The following SUGCT variants were observed in gnomAD, a reference collection of about 807,000 sequenced individuals.
SUGCT encodes succinyl-CoA:glutarate-CoA transferase, also known as succinyl-CoA:glutarate CoA-transferase.
SUGCT carries 41 observed loss-of-function variants against 55.0 expected under a neutral mutation model. That is an observed-to-expected ratio of 0.74 (90% CI 0.58 to 0.97). The LOEUF is 0.97. Among genes scored for constraint, SUGCT ranks in the 50% least tolerant of loss-of-function variants. The pLI is 0.00. For missense variants in SUGCT, 568 were observed against 547.8 expected (o/e 1.04, Z -0.37); for synonymous variants, 187 against 200.4 (o/e 0.93, Z 0.56).
intron 7 of SUGCT, among the ~76,000 whole-genome samples, chr7:40,263,950 TGTATGG>T (rs975090105): frequency 3.6e-4 from 54 of 151,908 alleles, no homozygotes; most frequent in Middle Eastern, 6.8e-3. Context: ...TAGCTGGAGG[TGTATGG>T]GTGAAAGCTT....
intron 8 of SUGCT, among the ~76,000 whole-genome samples, chr7:40,289,790 A>G (rs1391654964): frequency 2.0e-5 from 3 of 152,170 alleles, no homozygotes; most frequent in Non-Finnish European, 4.4e-5. Context: ...TTAAGCTGAT[A>G]AGCTACTTCA....
At chr7:40,397,503 T>G (rs565601978) in intron 9 of SUGCT, among the ~76,000 whole-genome samples, 2 of 152,168 alleles carry the variant, frequency 1.3e-5, no homozygotes, top group South Asian at 4.1e-4. Flanking sequence ...CTCTTGAAAG[T>G]TAATGCTCCT....
rs370999231 is a variant in SUGCT at position 40,343,585 on chromosome 7, TTTTC to T, written c.816+26736_816+26739del. Reference sequence around the variant, plus strand: ...ATCTCCAAACTTGAAAACAATTATTTTTTCTTTCTCACTCCTCTACCCCTTCTCT... The same window carrying T: ...ATCTCCAAACTTGAAAACAATTATTTTTTCTCACTCCTCTACCCCTTCTCT... On this transcript the variant is annotated intron_variant, in intron 9 of 13. Coordinates refer to ENST00000335693, the MANE Select transcript of SUGCT (RefSeq NM_001193313.2). 1.9e-3 allele frequency among the ~76,000 whole-genome samples: 296 copies of T among 152,282 alleles called. 12 individuals carry two copies. In the South Asian group the frequency reaches 0.058, roughly 30 times the overall value.
the SUGCT span, among the ~76,000 whole-genome samples, chr7:41,031,886 A>T: frequency 6.6e-6 from 1 of 151,568 alleles, no homozygotes; most frequent in Non-Finnish European, 1.5e-5. Flanking sequence ...TTACCTGATC[A>T]TGCATCCTCC....
intron 13 of SUGCT, among the ~76,000 whole-genome samples, chr7:40,781,334 C>T (rs1198933298): frequency 6.6e-6 from 1 of 152,054 alleles, no homozygotes; most frequent in Non-Finnish European, 1.5e-5. Context: ...AAAATGATAG[C>T]GATGGAAATC....
intron 9 of SUGCT, among the ~76,000 whole-genome samples, chr7:40,432,321 G>A (rs1350259007): frequency 6.6e-6 from 1 of 152,106 alleles, no homozygotes; most frequent in Admixed American, 6.5e-5. Flanking sequence ...TGAGGTTCCT[G>A]CTGAACAAAC....
intron 9 of SUGCT, among the ~76,000 whole-genome samples, chr7:40,366,744 T>C (rs1296922776): frequency 1.3e-5 from 2 of 151,762 alleles, no homozygotes; most frequent in African/African-American, 4.9e-5. Flanking sequence ...AGAATGGCAG[T>C]CATTAAAAAG....
At chr7:40,257,249 C>T (rs1324472357) in intron 7 of SUGCT, among the ~76,000 whole-genome samples, 1 of 151,950 alleles carries the variant, frequency 6.6e-6, no homozygotes, top group Admixed American at 6.6e-5. Flanking sequence ...AGATAGAATA[C>T]ATTATTTTCA....
At chr7:40,324,240 A>T (rs373685985) in intron 9 of SUGCT, among the ~76,000 whole-genome samples, 1,788 of 51,308 alleles carry the variant, frequency 0.035, 27 homozygotes, top group Middle Eastern at 0.12. Context: ...TATATAAATA[A>T]ATAAATAAAT....
chr7:40,566,270 G>T (rs1796149067), intron 12 of SUGCT, among the ~76,000 whole-genome samples: 1 of 152,136 alleles, frequency 6.6e-6, no homozygotes, highest in African/African-American at 2.4e-5. Flanking sequence ...ATTAGTATTA[G>T]ATCTACACAT....
chr7:40,685,925 AT>A (rs768492406), intron 12 of SUGCT, among the ~76,000 whole-genome samples: 5 of 152,170 alleles, frequency 3.3e-5, no homozygotes, highest in Non-Finnish European at 7.4e-5. Context: ...TTCTTTGAGA[AT>A]TTCATACCAC....
the SUGCT span, among the ~76,000 whole-genome samples, chr7:40,985,805 G>A: frequency 6.6e-5 from 10 of 152,290 alleles, no homozygotes; most frequent in South Asian, 2.1e-3. Flanking sequence ...TCTGTGGACA[G>A]AAGGATTAGG....
chr7:40,566,631 T>G (rs1796169731), intron 12 of SUGCT, among the ~76,000 whole-genome samples: 1 of 152,218 alleles, frequency 6.6e-6, no homozygotes, highest in Admixed American at 6.5e-5. Flanking sequence ...TTTATTATGT[T>G]AAAAAACATC....
chr7:40,794,238 G>A (rs374472340), intron 13 of SUGCT, among the ~76,000 whole-genome samples: 22 of 152,078 alleles, frequency 1.4e-4, no homozygotes, highest in Middle Eastern at 3.4e-3. Flanking sequence ...ATATTCCTTC[G>A]TGTTTGTTTC....
At chr7:40,560,944 G>C (rs146303283) in intron 12 of SUGCT, among the ~76,000 whole-genome samples, 1 of 152,138 alleles carries the variant, frequency 6.6e-6, no homozygotes, top group Non-Finnish European at 1.5e-5. Context: ...ATGTTGTTTT[G>C]TTAAACATCC....
chr7:40,228,130 G>A (rs993080799), intron 6 of SUGCT, among the ~76,000 whole-genome samples: 21 of 152,032 alleles, frequency 1.4e-4, no homozygotes, highest in African/African-American at 4.1e-4. Flanking sequence ...GATCCATCCC[G>A]CCTCCACCTC....
At chr7:40,358,979 A>G (rs1214188390) in intron 9 of SUGCT, among the ~76,000 whole-genome samples, 1 of 152,204 alleles carries the variant, frequency 6.6e-6, no homozygotes, top group East Asian at 1.9e-4. Flanking sequence ...TTGTTAGCCA[A>G]AGATACATTT....
chr7:40,347,109 G>A (rs949900867), intron 9 of SUGCT, among the ~76,000 whole-genome samples: 1 of 152,180 alleles, frequency 6.6e-6, no homozygotes, highest in Non-Finnish European at 1.5e-5. Flanking sequence ...AGAGTTTGAG[G>A]TGCATGACAG....
intron 9 of SUGCT, among the ~76,000 whole-genome samples, chr7:40,404,741 C>G (rs1786268417): frequency 2.0e-5 from 3 of 152,060 alleles, no homozygotes; most frequent in Admixed American, 2.0e-4. Flanking sequence ...TCAGACTCCA[C>G]TTGAATTTGT....
Sources: allele counts gnomAD v4.1 joint callset (sites outside exome capture counted in the v4.1 genomes callset), GRCh38; gene constraint gnomAD v4.1.1; transcripts MANE v1.5; gene names NCBI Gene and HGNC (gene_info 2026-07-23, HGNC 2026-07-21).